Variants in ULK4 observed in about 807,000 individuals in gnomAD.
The protein encoded by ULK4 is unc-51 like kinase 4.
A neutral mutation model predicts 160.6 loss-of-function variants in ULK4; 133 were observed. The ratio of observed to expected loss-of-function variants is 0.83; its 90% CI spans 0.72 to 0.96. ULK4 has a LOEUF of 0.96. Ranked by LOEUF, ULK4 falls within the 40% of genes least tolerant of loss-of-function variation. The probability of loss-of-function intolerance (pLI) is 0.00; values close to 1 mark genes in which losing one functional copy is unlikely to be tolerated. For synonymous variants in ULK4, 534 were observed against 539.8 expected (o/e 0.99, Z 0.15); for missense variants, 1,580 against 1,499.5 (o/e 1.05, Z -0.89).
chr3:41,299,770 G>A (rs1406179053), intron 35 of ULK4, among the ~76,000 whole-genome samples: 2 of 152,160 alleles, frequency 1.3e-5, no homozygotes, highest in East Asian at 3.9e-4. Context: ...TTTCCACATT[G>A]CCAATCTGTA....
At chr3:41,904,174 T>C (rs1698472996) in intron 12 of ULK4, among the ~76,000 whole-genome samples, 1 of 152,160 alleles carries the variant, frequency 6.6e-6, no homozygotes, top group Non-Finnish European at 1.5e-5. Context: ...GGCTCACACC[T>C]GTAATCCCAG....
At chr3:41,414,353 T>C (rs1290061468) in intron 34 of ULK4, among the ~76,000 whole-genome samples, 6 of 152,212 alleles carry the variant, frequency 3.9e-5, no homozygotes, top group Non-Finnish European at 5.9e-5. Flanking sequence ...CACATACAAC[T>C]TGGAAATACT....
chr3:41,420,124 A>C (rs928669586), intron 34 of ULK4, among the ~76,000 whole-genome samples: 3 of 152,116 alleles, frequency 2.0e-5, no homozygotes, highest in Non-Finnish European at 2.9e-5. Context: ...AGGAAAAAAA[A>C]AGAGTAACAA....
rs765109509 is a variant in ULK4, at chr3:41,663,578, C to G, written c.3071+29G>C. 8.8e-6 allele frequency: 14 copies of G among 1,585,598 alleles called. No individual in the cohort carries two copies. The South Asian group carries it at 1.2e-4, about 14-fold the overall frequency. The stretch of plus-strand genomic sequence containing the variant: ...TAAAATTCATTTTATAGGTGAGACA[C>G]AAGAAAAAGAAATTTGAACTTCCAG... On this transcript the variant is annotated intron_variant, in intron 30 of 36. Coordinates refer to ENST00000301831, the MANE Select transcript of ULK4 (RefSeq NM_017886.4).
chr3:41,516,217 A>T (rs76109950), intron 32 of ULK4, among the ~76,000 whole-genome samples: 42 of 152,290 alleles, frequency 2.8e-4, no homozygotes, highest in Non-Finnish European at 5.1e-4. Context: ...GAGAAAGTGA[A>T]ATTTTACTAG....
Position 41,258,986 on chromosome 3 carries a change from ATATACATATATACATATG to A in ULK4, c.3679-9430_3679-9413del, listed in dbSNP as rs147355493. ...TACATATATGTGTATATATATACAG[ATATACATATATACATATG>A]TATACATATATACATATCTATGTGT... On this transcript the variant is annotated intron_variant, in intron 35 of 36. Coordinates refer to ENST00000301831, the MANE Select transcript of ULK4 (RefSeq NM_017886.4). 5.3e-3 allele frequency among the ~76,000 whole-genome samples: 788 copies of A among 149,664 alleles called. 9 individuals carry two copies. The highest frequency in any genetic ancestry group is 0.018 in the African/African-American group (733 of 40,958).
intron 32 of ULK4, among the ~76,000 whole-genome samples, chr3:41,495,940 CATAAT>C (rs2084972739): frequency 6.6e-6 from 1 of 151,838 alleles, no homozygotes; most frequent in East Asian, 1.9e-4. Flanking sequence ...AGAAAGCATC[CATAAT>C]ATAACACAAA....
intron 32 of ULK4, among the ~76,000 whole-genome samples, chr3:41,467,091 A>G (rs376533660): frequency 3.3e-5 from 5 of 152,346 alleles, no homozygotes; most frequent in African/African-American, 9.6e-5. Context: ...CACATATATT[A>G]CTGATGAAAA....
intron 25 of ULK4, among the ~76,000 whole-genome samples, chr3:41,711,977 T>C (rs1383572823): frequency 1.3e-5 from 2 of 152,114 alleles, no homozygotes; most frequent in East Asian, 3.8e-4. Flanking sequence ...GAAGTGAAAA[T>C]AGCAATTATC....
chr3:41,721,552 G>A (rs1183784969), intron 22 of ULK4, among the ~76,000 whole-genome samples: 3 of 150,336 alleles, frequency 2.0e-5, no homozygotes, highest in Admixed American at 6.6e-5. Flanking sequence ...ATTTTTAGTG[G>A]AGACCGGGTT....
intron 32 of ULK4, among the ~76,000 whole-genome samples, chr3:41,485,503 G>C (rs2084494314): frequency 6.6e-6 from 1 of 152,176 alleles, no homozygotes; most frequent in Admixed American, 6.5e-5. Context: ...AATCTGCTTT[G>C]CTAAAATCTT....
intron 30 of ULK4, among the ~76,000 whole-genome samples, chr3:41,641,538 A>G (rs1440230127): frequency 6.6e-6 from 1 of 152,154 alleles, no homozygotes; most frequent in Non-Finnish European, 1.5e-5. Flanking sequence ...CACTACAAAG[A>G]ATAAAAAAAT....
chr3:41,723,995 T>A (rs2037562365), intron 22 of ULK4, among the ~76,000 whole-genome samples: 1 of 152,242 alleles, frequency 6.6e-6, no homozygotes, highest in African/African-American at 2.4e-5. Context: ...ATGATCTTAA[T>A]GTAAAGCTCA....
At chr3:41,508,586 T>C (rs775614254) in intron 32 of ULK4, among the ~76,000 whole-genome samples, 3 of 152,042 alleles carry the variant, frequency 2.0e-5, no homozygotes, top group Non-Finnish European at 4.4e-5. Context: ...CCCTGCTACC[T>C]CCACCAGAGG....
At chr3:41,392,130 T>A (rs982682666) in intron 35 of ULK4, among the ~76,000 whole-genome samples, 4 of 152,146 alleles carry the variant, frequency 2.6e-5, no homozygotes, top group Non-Finnish European at 5.9e-5. Context: ...AAAACTCCCA[T>A]TGATATCCAG....
intron 35 of ULK4, among the ~76,000 whole-genome samples, chr3:41,259,294 G>A (rs973786810): frequency 2.0e-5 from 3 of 152,138 alleles, no homozygotes; most frequent in African/African-American, 7.2e-5. Context: ...CTCATGAATT[G>A]TAAAGTAGTG....
intron 18 of ULK4, among the ~76,000 whole-genome samples, chr3:41,833,297 T>TTTTTTGTTTTTTTTTTTTG (rs2041654136): frequency 5.8e-5 from 8 of 138,964 alleles, no homozygotes; most frequent in Non-Finnish European, 9.4e-5. Flanking sequence ...TTTTTTTTTT[T>TTTTTTGTTTTTTTTTTTTG]TTTGTTTGTT....
Position 41,859,832 on chromosome 3 carries a change from T to G in ULK4, c.1657-23861A>C, listed in dbSNP as rs558512868. 3.0e-3 allele frequency among the ~76,000 whole-genome samples: 453 copies of G among 148,794 alleles called. 1 individual carries two copies. Among genetic ancestry groups the G allele is most frequent in the African/African-American group, 0.011 (431 of 40,506 alleles). Reference sequence around the variant, plus strand: ...GCCACCATGCCTGGCTAATTTTTTTTTTTTTTTTTTTTTTTTTAGTAGAAA... The same window carrying G: ...GCCACCATGCCTGGCTAATTTTTTTGTTTTTTTTTTTTTTTTTAGTAGAAA... On this transcript the variant is annotated intron_variant, in intron 17 of 36. Coordinates refer to ENST00000301831, the MANE Select transcript of ULK4 (RefSeq NM_017886.4).
At chr3:41,812,478 T>C (rs182062950) in intron 19 of ULK4, among the ~76,000 whole-genome samples, 3 of 152,174 alleles carry the variant, frequency 2.0e-5, no homozygotes, top group East Asian at 1.9e-4. Flanking sequence ...TACAGCAGTA[T>C]AGAAGAAAAG....
Sources: gnomAD v4.1 joint callset for allele counts (sites outside exome capture counted in the v4.1 genomes callset) on GRCh38, gnomAD v4.1.1 for gene constraint, MANE v1.5 for transcripts, NCBI Gene and HGNC (gene_info 2026-07-23, HGNC 2026-07-21) for gene names.